The following ABCA13 variants were observed in gnomAD, a reference collection of about 807,000 sequenced individuals.
ABCA13 encodes ATP-binding cassette sub-family A member 13.
ABCA13 carries 476 observed loss-of-function variants against 478.7 expected under a neutral mutation model. That is an observed-to-expected ratio of 0.99 (90% CI 0.92 to 1.07). ABCA13 has a LOEUF of 1.07. ABCA13 is among the 50% of genes least tolerant of loss of function. The pLI is 0.00. For missense variants in ABCA13, 6,060 were observed against 5,910.6 expected, an observed-to-expected ratio of 1.03 and a Z score of -0.83; for synonymous variants, 2,252 against 2,158.9, an observed-to-expected ratio of 1.04 and a Z score of -1.20.
In ABCA13 at chr7:48,389,573, T is replaced by C. The variant is rs188107092; in HGVS notation, c.11654+353T>C. On this transcript the variant is annotated intron_variant, in intron 37 of 61. Transcript: ENST00000435803. ...AGCGTTTGTCCTACTAAGTATCATC[T>C]TGCTTGCATATCTGTAGGAAGAGGA... Among the ~76,000 whole-genome samples the C allele has an allele frequency of 2.0e-3, 307 of 152,378 alleles. 1 individual carries two copies. The highest frequency in any genetic ancestry group is 6.8e-3 in the Middle Eastern group (2 of 294).
Position 48,274,205 on chromosome 7 carries a change from T to A in ABCA13, c.4539T>A (p.Phe1513Leu). The change falls in exon 17 of 62, where the codon TTT (phenylalanine) becomes TTA (leucine). Residue 1513 changes from phenylalanine to leucine, a missense_variant. Physicochemically the swap from Phe to Leu is conservative, Grantham distance 22 (BLOSUM62 0). This residue lies in a region of ABCA13 where 4,423 missense variants were observed against 4,309.1 expected (regional missense o/e 1.03). Transcript: ENST00000435803. Reference sequence around the variant, plus strand: ...ACAACTTAACAACAGACTTTGATTTTGCATCTCAGTCCAATTGGAGATATT... The same window carrying A: ...ACAACTTAACAACAGACTTTGATTTAGCATCTCAGTCCAATTGGAGATATT... ...SINNLTTDFD[F>L]ASQSNWRYFT... 1 of 1,612,744 alleles carries A rather than the reference T, an allele frequency of 6.2e-7. No homozygotes were observed. The highest frequency in any genetic ancestry group is 1.1e-5 in the South Asian group (1 of 91,002).
intron 27 of ABCA13, among the ~76,000 whole-genome samples, chr7:48,323,498 T>A (rs1803825155): frequency 6.6e-6 from 1 of 152,192 alleles, no homozygotes; most frequent in East Asian, 1.9e-4. Flanking sequence ...CAGTGGTGGG[T>A]GCCATCAAGA....
At chr7:48,633,290 T>G (rs1490086963) in intron 59 of ABCA13, among the ~76,000 whole-genome samples, 1 of 152,148 alleles carries the variant, frequency 6.6e-6, no homozygotes, top group Non-Finnish European at 1.5e-5. Flanking sequence ...CTTCTAGAAC[T>G]ATGAAAAGAC....
intron 29 of ABCA13, among the ~76,000 whole-genome samples, chr7:48,346,467 T>G (rs1417495866): frequency 6.6e-6 from 1 of 151,958 alleles, no homozygotes; most frequent in East Asian, 1.9e-4. Flanking sequence ...ATGTCTCCAG[T>G]TTGCCCTACA....
intron 57 of ABCA13, among the ~76,000 whole-genome samples, chr7:48,591,025 C>T (rs1237347305): frequency 6.6e-6 from 1 of 151,524 alleles, no homozygotes; most frequent in East Asian, 1.9e-4. Flanking sequence ...GGTGTCATAT[C>T]CAAAAAAGAA....
In ABCA13 at chr7:48,274,297, G is replaced by GGCTTCATT; in HGVS notation, c.4632_4639dup (p.Leu1547CysfsTer4). ...ATTCCTAATCAGTTTCAAAATATTT[G>GGCTTCATT]GCTTCATTTAATAACACTGGGGAAG... On this transcript the variant is annotated frameshift_variant, in exon 17 of 62. Transcript: ENST00000435803. LOFTEE classifies it high-confidence loss of function. The GGCTTCATT allele has an allele frequency of 1.2e-6, 2 of 1,613,158 alleles. No homozygotes were observed. Among genetic ancestry groups the GGCTTCATT allele is most frequent in the Non-Finnish European group, 1.7e-6 (2 of 1,179,554 alleles).
At chr7:48,529,192 C>A (rs933649066) in intron 55 of ABCA13, among the ~76,000 whole-genome samples, 60 of 152,318 alleles carry the variant, frequency 3.9e-4, no homozygotes, top group African/African-American at 1.4e-3. Flanking sequence ...CTGCTCTAAA[C>A]CTCTCTGTGC....
intron 54 of ABCA13, among the ~76,000 whole-genome samples, chr7:48,525,249 A>AT (rs372125641): frequency 5.1e-4 from 75 of 147,844 alleles, no homozygotes; most frequent in African/African-American, 1.4e-3. Context: ...TTAAGAAAGG[A>AT]TTTTTTTTTT....
chr7:48,591,199 T>C (rs1194666317), intron 57 of ABCA13, among the ~76,000 whole-genome samples: 2 of 151,976 alleles, frequency 1.3e-5, no homozygotes, highest in Non-Finnish European at 2.9e-5. Flanking sequence ...TATGTAGATA[T>C]TCAGTTTTCC....
At chr7:48,294,429 T>C (rs1799045121) in intron 20 of ABCA13, among the ~76,000 whole-genome samples, 1 of 100,692 alleles carries the variant, frequency 9.9e-6, no homozygotes. Flanking sequence ...CTATGGGTTT[T>C]TTTTTTTTTT....
At chr7:48,477,436 C>T (rs909800780) in intron 45 of ABCA13, among the ~76,000 whole-genome samples, 5 of 151,976 alleles carry the variant, frequency 3.3e-5, no homozygotes, top group African/African-American at 4.8e-5. Flanking sequence ...AAGACACATG[C>T]ACACGTATGT....
chr7:48,496,429 A>T (rs1225663905), intron 48 of ABCA13, among the ~76,000 whole-genome samples: 1 of 152,118 alleles, frequency 6.6e-6, no homozygotes, highest in African/African-American at 2.4e-5. Context: ...ACCACATCAG[A>T]TGGTGTTCTA....
chr7:48,323,059 G>A (rs1293105815), intron 27 of ABCA13, among the ~76,000 whole-genome samples: 2 of 152,188 alleles, frequency 1.3e-5, no homozygotes, highest in African/African-American at 4.8e-5. Context: ...ATTCTGTGGT[G>A]TGGATTCACT....
chr7:48,262,291 G>A (rs1484070936), intron 15 of ABCA13, among the ~76,000 whole-genome samples: 4 of 151,872 alleles, frequency 2.6e-5, no homozygotes, highest in African/African-American at 7.2e-5. Flanking sequence ...GAGAGGAGTG[G>A]ATGCCTGGCT....
intron 40 of ABCA13, among the ~76,000 whole-genome samples, chr7:48,411,042 T>TCTTTCTTTCTTC (rs1563208805): frequency 9.0e-6 from 1 of 111,650 alleles, no homozygotes. Flanking sequence ...TTTCTTTCTT[T>TCTTTCTTTCTTC]CTTTCTTTTT....
chr7:48,336,712 G>T (rs1210388819), intron 28 of ABCA13, among the ~76,000 whole-genome samples: 1 of 152,218 alleles, frequency 6.6e-6, no homozygotes, highest in African/African-American at 2.4e-5. Context: ...TGCCATTTCC[G>T]TTTCCTGCAG....
In ABCA13 at chr7:48,210,021, T is replaced by A. The variant is rs1043778920; in HGVS notation, c.288-9333T>A. ...AATTTTGGGCTTGTTTTGTTCTTGCTTTTCTAATTCTTTAAGATGCATACT... is the reference window on the plus strand; with the variant it reads ...AATTTTGGGCTTGTTTTGTTCTTGCATTTCTAATTCTTTAAGATGCATACT... On this transcript the variant is annotated intron_variant, in intron 3 of 61. Transcript: ENST00000435803. Among the ~76,000 whole-genome samples, 84 of 152,354 alleles carry A rather than the reference T, an allele frequency of 5.5e-4. 1 individual carries two copies. Among genetic ancestry groups the A allele is most frequent in the African/African-American group, 1.9e-3 (81 of 41,586 alleles).
intron 1 of ABCA13, among the ~76,000 whole-genome samples, chr7:48,180,277 T>C (rs1454117346): frequency 2.6e-5 from 4 of 152,208 alleles, no homozygotes; most frequent in Non-Finnish European, 5.9e-5. Flanking sequence ...CAGCACACAC[T>C]GGCATGGGTG....
intron 59 of ABCA13, among the ~76,000 whole-genome samples, chr7:48,637,535 C>G (rs1018262679): frequency 6.6e-6 from 1 of 151,778 alleles, no homozygotes; most frequent in African/African-American, 2.4e-5. Context: ...TATCTAGACT[C>G]TAGGGTATTT....
Sources: allele counts gnomAD v4.1 joint callset (sites outside exome capture counted in the v4.1 genomes callset), GRCh38; gene constraint gnomAD v4.1.1; regional missense constraint gnomAD v4.1.1; transcripts MANE v1.5; gene names NCBI Gene and HGNC (gene_info 2026-07-23, HGNC 2026-07-21).